STX17: variants seen among roughly 807,000 people sequenced by gnomAD.
The protein encoded by STX17 is syntaxin-17.
In STX17, 29 loss-of-function variants were observed where a neutral mutation model predicts 35.9. The ratio of observed to expected loss-of-function variants is 0.81; its 90% CI spans 0.60 to 1.10. The LOEUF (loss-of-function observed/expected upper bound fraction) is 1.10, where lower values mean the gene tolerates loss of function less well. Among genes scored for constraint, STX17 ranks in the 50% least tolerant of loss-of-function variants. The probability of loss-of-function intolerance (pLI) is 0.00; values close to 1 mark genes in which losing one functional copy is unlikely to be tolerated. For missense variants in STX17, 312 were observed against 352.3 expected (o/e 0.89, Z 0.92); for synonymous variants, 92 against 118.3 (o/e 0.78, Z 1.44).
chr9:99,928,379 C>A (rs925593065), intron 2 of STX17, among the ~76,000 whole-genome samples: 1 of 77,806 alleles, frequency 1.3e-5, no homozygotes, highest in Middle Eastern at 4.8e-3. Context: ...CAATACTTAA[C>A]ACTATCATGA....
rs1400272075 is a variant in STX17, at chr9:99,970,917, T to A, written c.*2244T>A. 6.6e-6 allele frequency among the ~76,000 whole-genome samples: 1 copy of A among 152,228 alleles called. No homozygotes were observed. The highest frequency in any genetic ancestry group is 2.4e-5 in the African/African-American group (1 of 41,468). On this transcript the variant is annotated 3_prime_UTR_variant, in exon 8 of 8. Coordinates refer to ENST00000259400, the MANE Select transcript of STX17 (RefSeq NM_017919.3). ...ACTGAGCCAGTGTGGAATACCACTGTATGTACTCATATAAGCCCTTGACTT... is the reference window on the plus strand; with the variant it reads ...ACTGAGCCAGTGTGGAATACCACTGAATGTACTCATATAAGCCCTTGACTT...
rs139108922 is a variant in STX17 at position 99,974,377 on chromosome 9, T to G, written c.*5704T>G. Among the ~76,000 whole-genome samples, 1 of 152,234 alleles carries G rather than the reference T, an allele frequency of 6.6e-6. No individual in the cohort carries two copies. Among genetic ancestry groups the G allele is most frequent in the Non-Finnish European group, 1.5e-5 (1 of 68,034 alleles). ...CCTAAAGATGTTTTCCATTTTATTG[T>G]TAAACACTTGGTGTTAGCAAGGGTC... On this transcript the variant is annotated 3_prime_UTR_variant, in exon 8 of 8. Transcript: ENST00000259400.
intron 3 of STX17, among the ~76,000 whole-genome samples, chr9:99,930,499 G>GCT (rs1829099177): frequency 6.6e-6 from 1 of 150,642 alleles, no homozygotes; most frequent in Non-Finnish European, 1.5e-5. Context: ...GATCTCCTGA[G>GCT]CTCGTGGTCC....
At chr9:99,937,904 C>A (rs908468085) in intron 3 of STX17, 1 of 152,148 alleles carries the variant, frequency 6.6e-6, no homozygotes, top group Non-Finnish European at 1.5e-5. Context: ...GAAACTGATC[C>A]TTTAGGGTCT....
rs34011656 is a variant in STX17, at chr9:99,960,047, GTT to G, written c.531+18_531+19del. 6.2e-7 allele frequency: 1 copy of G among 1,613,860 alleles called. No individual in the cohort carries two copies. The highest frequency in any genetic ancestry group is 1.7e-5 in the Admixed American group (1 of 59,958). On this transcript the variant is annotated intron_variant, in intron 5 of 7. Transcript: ENST00000259400. Reference sequence around the variant, plus strand: ...CCTTAGAAGCGGTATGTTAAAAAATGTTTTCTTTTTGGTAGTTGTGAGGCATA... The same window carrying G: ...CCTTAGAAGCGGTATGTTAAAAAATGTTCTTTTTGGTAGTTGTGAGGCATA...
intron 3 of STX17, chr9:99,938,118 T>G (rs1464899454): frequency 6.6e-6 from 1 of 152,258 alleles, no homozygotes; most frequent in East Asian, 1.9e-4. Flanking sequence ...TTCAGGTGGT[T>G]TCCTCGCCAG....
chr9:99,931,010 T>C (rs1829110640), intron 3 of STX17, among the ~76,000 whole-genome samples: 1 of 152,218 alleles, frequency 6.6e-6, no homozygotes, highest in African/African-American at 2.4e-5. Flanking sequence ...GGAGTCTCGC[T>C]CTTTCGCCCA....
chr9:99,923,669 T>G (rs750714830), intron 2 of STX17, among the ~76,000 whole-genome samples: 11 of 151,912 alleles, frequency 7.2e-5, no homozygotes, highest in Non-Finnish European at 1.5e-4. Context: ...AGTTTGAGAG[T>G]CAAGTCCCAC....
intron 3 of STX17, among the ~76,000 whole-genome samples, chr9:99,943,990 A>G (rs1829423490): frequency 6.6e-6 from 1 of 152,082 alleles, no homozygotes; most frequent in African/African-American, 2.4e-5. Flanking sequence ...CAAAATATAC[A>G]TTTAATTTCT....
chr9:99,959,878 CAAAT>C (rs1376742221), intron 4 of STX17, 35 bp from the exon 5 acceptor site: 1 of 1,446,768 alleles, frequency 6.9e-7, no homozygotes, highest in Non-Finnish European at 9.6e-7. Flanking sequence ...TCTAACAAAG[CAAAT>C]AAACTCTAAA....
chr9:99,950,896 T>G (rs193228515), intron 3 of STX17, among the ~76,000 whole-genome samples, 164 bp from the exon 4 acceptor site: 2 of 152,036 alleles, frequency 1.3e-5, no homozygotes, highest in Non-Finnish European at 2.9e-5. Context: ...AGATGCTGCA[T>G]TTGGCCAGCC....
rs1157676874 is a variant in STX17 at position 99,968,590 on chromosome 9, C to T, written c.826C>T (p.Gln276Ter). ...GGGCTTCACAGGTGGAAAATTGATACAAAGAAAGAAACAGAAAATGATGGA... is the reference window on the plus strand; with the variant it reads ...GGGCTTCACAGGTGGAAAATTGATATAAAGAAAGAAACAGAAAATGATGGA... ...VLGFTGGKLIQRKKQKMMEKL... is the reference protein window; with the variant it reads ...VLGFTGGKLI The change falls in exon 8 of 8, where the codon CAA becomes TAA. Residue 276 changes from glutamine to a stop codon, truncating the protein, a stop_gained. Transcript: ENST00000259400. LOFTEE classifies it high-confidence loss of function. 1.9e-6 allele frequency: 3 copies of T among 1,613,826 alleles called. No individual in the cohort carries two copies. The highest frequency in any genetic ancestry group is 2.5e-6 in the Non-Finnish European group (3 of 1,179,924).
chr9:99,964,073 CA>C, intron 6 of STX17, among the ~76,000 whole-genome samples: 1 of 15,346 alleles, frequency 6.5e-5, no homozygotes, highest in African/African-American at 3.2e-4. Context: ...TTAAACTTTA[CA>C]ACTACTATCA....
At chr9:99,921,851 T>C (rs1432470831) in intron 2 of STX17, among the ~76,000 whole-genome samples, 1 of 152,084 alleles carries the variant, frequency 6.6e-6, no homozygotes, top group East Asian at 1.9e-4. Flanking sequence ...TCATCTGAAG[T>C]ATCTAGGTTT....
chr9:99,960,264 G>A (rs907173920), intron 6 of STX17, 109 bp downstream of exon 6: 1 of 1,134,462 alleles, frequency 8.8e-7, no homozygotes. Flanking sequence ...TAATTTTTAA[G>A]ACTGGTATTA....
chr9:99,962,308 G>T (rs562916248), intron 6 of STX17, among the ~76,000 whole-genome samples: 2 of 152,160 alleles, frequency 1.3e-5, no homozygotes, highest in Middle Eastern at 3.4e-3. Flanking sequence ...TAATATACTC[G>T]CAAACAGAAG....
intron 4 of STX17, among the ~76,000 whole-genome samples, chr9:99,955,374 G>A (rs1335144687): frequency 6.6e-6 from 1 of 151,822 alleles, no homozygotes; most frequent in Non-Finnish European, 1.5e-5. Context: ...ATTTTCTATT[G>A]GTTTTAATTT....
chr9:99,910,457 G>A (rs1292711664), intron 1 of STX17, among the ~76,000 whole-genome samples: 1 of 151,870 alleles, frequency 6.6e-6, no homozygotes, highest in Admixed American at 6.6e-5. Context: ...TGTGGGATAT[G>A]GCTATATATA....
intron 6 of STX17, among the ~76,000 whole-genome samples, chr9:99,963,686 A>G (rs927527972): frequency 2.0e-5 from 3 of 151,954 alleles, no homozygotes; most frequent in Admixed American, 1.3e-4. Flanking sequence ...TTCCACCACT[A>G]TTATCCTTAG....
Sources: allele counts gnomAD v4.1 joint callset (sites outside exome capture counted in the v4.1 genomes callset), GRCh38; gene constraint gnomAD v4.1.1; transcripts MANE v1.5; gene names NCBI Gene and HGNC (gene_info 2026-07-23, HGNC 2026-07-21).